Variants in FARS2 observed in about 807,000 individuals in gnomAD.
The protein encoded by FARS2 is phenylalanine--tRNA ligase, mitochondrial.
In FARS2, 40 loss-of-function variants were observed where a neutral mutation model predicts 46.4. The observed-to-expected ratio is 0.86, with a 90% CI of 0.67 to 1.12. FARS2 has a LOEUF of 1.12. FARS2 is among the 50% of genes most tolerant of loss of function. The probability of loss-of-function intolerance (pLI) is 0.00; values close to 1 mark genes in which losing one functional copy is unlikely to be tolerated. For synonymous variants in FARS2, 234 were observed against 214.9 expected (o/e 1.09, Z -0.78); for missense variants, 513 against 567.9 (o/e 0.90, Z 0.98).
chr6:5,289,529 A>C (rs1483971632), intron 1 of FARS2, among the ~76,000 whole-genome samples: 3 of 152,230 alleles, frequency 2.0e-5, no homozygotes, highest in Admixed American at 1.3e-4. Flanking sequence ...GTGTAAATGA[A>C]GTAGTGGTCC....
At chr6:5,575,960 T>G (rs920877039) in intron 5 of FARS2, among the ~76,000 whole-genome samples, 17 of 152,174 alleles carry the variant, frequency 1.1e-4, no homozygotes, top group African/African-American at 3.4e-4. Context: ...GCCCCCATAT[T>G]GGTGGTGAGA....
chr6:5,304,013 G>A (rs1247743028), intron 1 of FARS2, among the ~76,000 whole-genome samples: 2 of 152,100 alleles, frequency 1.3e-5, no homozygotes, highest in Non-Finnish European at 1.5e-5. Context: ...TCCTCCCTGA[G>A]TAACATAGCA....
chr6:5,564,677 G>C (rs1184496170), intron 5 of FARS2, among the ~76,000 whole-genome samples: 1 of 152,158 alleles, frequency 6.6e-6, no homozygotes, highest in Non-Finnish European at 1.5e-5. Context: ...TTTTTACATA[G>C]ACCTTTTGGA....
At chr6:5,503,754 T>C (rs985849284) in intron 4 of FARS2, among the ~76,000 whole-genome samples, 2 of 152,150 alleles carry the variant, frequency 1.3e-5, no homozygotes, top group African/African-American at 4.8e-5. Context: ...ACTACAGATT[T>C]TTTTCAATAC....
intron 4 of FARS2, among the ~76,000 whole-genome samples, chr6:5,481,621 C>T (rs1033493724): frequency 1.3e-5 from 2 of 152,158 alleles, no homozygotes; most frequent in Non-Finnish European, 2.9e-5. Flanking sequence ...TCCCGAGGCC[C>T]TTGTCCTTTA....
chr6:5,274,799 C>T (rs969728156), intron 1 of FARS2, among the ~76,000 whole-genome samples: 1 of 152,192 alleles, frequency 6.6e-6, no homozygotes, highest in Middle Eastern at 3.2e-3. Flanking sequence ...CAGCCTCCAA[C>T]TTCCGGGCTC....
At chr6:5,273,184 CCAG>C (rs1340476031) in intron 1 of FARS2, among the ~76,000 whole-genome samples, 1 of 152,114 alleles carries the variant, frequency 6.6e-6, no homozygotes, top group Non-Finnish European at 1.5e-5. Flanking sequence ...GGATATATTC[CCAG>C]CAGTGGAATT....
At chr6:5,527,210 A>G (rs898160808) in intron 4 of FARS2, among the ~76,000 whole-genome samples, 7 of 152,232 alleles carry the variant, frequency 4.6e-5, no homozygotes, top group African/African-American at 1.2e-4. Flanking sequence ...CTGACCCTGT[A>G]AGTCTATTTT....
At chr6:5,683,572 A>G (rs967983633) in intron 6 of FARS2, among the ~76,000 whole-genome samples, 3 of 152,092 alleles carry the variant, frequency 2.0e-5, no homozygotes, top group African/African-American at 7.2e-5. Context: ...CCTCTGCTAC[A>G]AAAGAGCAGT....
chr6:5,756,566 A>G (rs1421254612), intron 6 of FARS2, among the ~76,000 whole-genome samples: 4 of 152,168 alleles, frequency 2.6e-5, no homozygotes, highest in East Asian at 1.9e-4. Flanking sequence ...AGAACTCACT[A>G]TCACAAGATC....
At chr6:5,429,680 G>C (rs759919470) in intron 3 of FARS2, among the ~76,000 whole-genome samples, 15 of 152,060 alleles carry the variant, frequency 9.9e-5, no homozygotes, top group African/African-American at 3.6e-4. Context: ...GCATGATGAC[G>C]CGTGCTTGTA....
intron 6 of FARS2, among the ~76,000 whole-genome samples, chr6:5,663,740 AGAT>A (rs1204625962): frequency 1.3e-5 from 2 of 152,120 alleles, no homozygotes. Context: ...GTGGGAAGAG[AGAT>A]GAAGAGAAAT....
At chr6:5,693,751 A>G (rs1024857611) in intron 6 of FARS2, among the ~76,000 whole-genome samples, 3 of 152,166 alleles carry the variant, frequency 2.0e-5, no homozygotes, top group African/African-American at 4.8e-5. Flanking sequence ...CACATCTGGC[A>G]CTGGACGCTG....
chr6:5,260,362 T>C (rs1382292552), upstream of FARS2, among the ~76,000 whole-genome samples: 1 of 152,224 alleles, frequency 6.6e-6, no homozygotes, highest in Admixed American at 6.5e-5. Context: ...TGCAGAAACA[T>C]AACACTAATC....
chr6:5,497,870 A>T (rs769073009), intron 4 of FARS2, among the ~76,000 whole-genome samples: 21 of 152,258 alleles, frequency 1.4e-4, no homozygotes, highest in Admixed American at 9.8e-4. Flanking sequence ...GAGCGTGAGC[A>T]TCTGAAGGCA....
intron 1 of FARS2, among the ~76,000 whole-genome samples, chr6:5,332,970 C>T (rs768053238): frequency 2.6e-4 from 39 of 152,222 alleles, no homozygotes; most frequent in Non-Finnish European, 4.7e-4. Flanking sequence ...GGTTTATAGA[C>T]CAAATCAAGA....
Position 5,404,573 on chromosome 6 carries a change from T to C in FARS2, c.644T>C (p.Leu215Pro). The change falls in exon 3 of 7, where the codon CTG becomes CCG. Residue 215 changes from leucine to proline, a missense_variant. Transcript: ENST00000274680. ...GCTGGTATAAAGGATGGAGAAAGCC[T>C]GCAGCTCTTTGAACAAAGTTCTCGC... ...LFAGIKDGES[L>P]QLFEQSSRSA... is the part of the protein sequence containing the mutation. The C allele has an allele frequency of 6.2e-7, 1 of 1,608,174 alleles. No homozygotes were observed. The highest frequency in any genetic ancestry group is 8.5e-7 in the Non-Finnish European group (1 of 1,176,908).
intron 1 of FARS2, among the ~76,000 whole-genome samples, chr6:5,349,054 T>C (rs898567255): frequency 1.3e-5 from 2 of 152,284 alleles, no homozygotes; most frequent in Middle Eastern, 3.4e-3. Flanking sequence ...ATGATATAAT[T>C]GTCTACATAG....
At chr6:5,659,710 C>A (rs939740026) in intron 6 of FARS2, among the ~76,000 whole-genome samples, 6 of 152,180 alleles carry the variant, frequency 3.9e-5, no homozygotes, top group African/African-American at 1.4e-4. Flanking sequence ...GGAGAAAAAT[C>A]ATGGTTCTTG....
Sources: allele counts gnomAD v4.1 joint callset (sites outside exome capture counted in the v4.1 genomes callset), GRCh38; gene constraint gnomAD v4.1.1; transcripts MANE v1.5; gene names NCBI Gene and HGNC (gene_info 2026-07-23, HGNC 2026-07-21).